The following FTCDNL1 variants were observed in gnomAD, a reference collection of about 807,000 sequenced individuals.
FTCDNL1 encodes the protein formiminotransferase cyclodeaminase N-terminal like.
FTCDNL1 carries 11 observed loss-of-function variants against 5.9 expected under a neutral mutation model. That is an observed-to-expected ratio of 1.87 (90% CI 1.18 to 3.10). The LOEUF is 3.10. Among genes scored for constraint, FTCDNL1 ranks in the 30% most tolerant of loss-of-function variants. FTCDNL1 has a pLI of 0.00. For synonymous variants in FTCDNL1, 58 were observed against 24.8 expected (o/e 2.34, Z -3.99); for missense variants, 115 against 65.5 (o/e 1.76, Z -2.61).
At chr2:199,748,533 C>T in the FTCDNL1 span, among the ~76,000 whole-genome samples, 1 of 152,182 alleles carries the variant, frequency 6.6e-6, no homozygotes, top group East Asian at 1.9e-4. Context: ...AGACAGGTCG[C>T]TTTCTAAATG....
the FTCDNL1 span, among the ~76,000 whole-genome samples, chr2:199,717,934 C>A: frequency 1.4e-5 from 2 of 144,536 alleles, no homozygotes; most frequent in Admixed American, 7.1e-5. Flanking sequence ...ATAACAAAGG[C>A]AGGAGCAATG....
At chr2:199,817,524 C>T (rs541847796) in intron 4 of FTCDNL1, among the ~76,000 whole-genome samples, 49 of 152,138 alleles carry the variant, frequency 3.2e-4, no homozygotes, top group African/African-American at 8.7e-4. Flanking sequence ...CGGGGGGTCA[C>T]GCCTATAATC....
At chr2:199,842,531 A>T (rs747057732) in intron 3 of FTCDNL1, among the ~76,000 whole-genome samples, 13 of 152,210 alleles carry the variant, frequency 8.5e-5, no homozygotes, top group Non-Finnish European at 1.8e-4. Context: ...TATATACACA[A>T]TGCACATGCG....
At chr2:199,759,100 T>G (rs1698170753), downstream of FTCDNL1, among the ~76,000 whole-genome samples, 1 of 152,124 alleles carries the variant, frequency 6.6e-6, no homozygotes, top group African/African-American at 2.4e-5. Flanking sequence ...TGTATGTGTG[T>G]GTAATATATA....
At chr2:199,670,899 C>T in the FTCDNL1 span, among the ~76,000 whole-genome samples, 3 of 152,114 alleles carry the variant, frequency 2.0e-5, no homozygotes, top group African/African-American at 4.8e-5. Flanking sequence ...TTCTATAAGG[C>T]TCACATGACA....
chr2:199,700,012 C>A, the FTCDNL1 span, among the ~76,000 whole-genome samples: 1 of 150,154 alleles, frequency 6.7e-6, no homozygotes, highest in Non-Finnish European at 1.5e-5. Context: ...CCCTCTCTCA[C>A]CACTCCTATT....
intron 1 of FTCDNL1, 33 bp from the exon 2 acceptor site, chr2:199,849,002 A>C (rs369211175): frequency 1.5e-6 from 1 of 685,226 alleles, no homozygotes. Context: ...ATGTGTCTCT[A>C]GAGTTGATTC....
At chr2:199,850,306 T>C (rs2076841644) in intron 1 of FTCDNL1, among the ~76,000 whole-genome samples, 1 of 152,248 alleles carries the variant, frequency 6.6e-6, no homozygotes, top group Non-Finnish European at 1.5e-5. Flanking sequence ...GGGCGTCTTC[T>C]GGTTTTCATT....
intron 2 of FTCDNL1, among the ~76,000 whole-genome samples, chr2:199,847,522 C>G (rs939151197): frequency 1.3e-5 from 2 of 152,194 alleles, no homozygotes; most frequent in African/African-American, 4.8e-5. Context: ...ATAAAACACT[C>G]TCCTGCAATT....
At chr2:199,808,666 A>C (rs1188873281), downstream of FTCDNL1, among the ~76,000 whole-genome samples, 3 of 152,222 alleles carry the variant, frequency 2.0e-5, no homozygotes, top group Non-Finnish European at 2.9e-5. Flanking sequence ...CCTACAACCC[A>C]ATATGAATCA....
chr2:199,845,449 T>C (rs973009096), intron 3 of FTCDNL1, among the ~76,000 whole-genome samples: 2 of 152,016 alleles, frequency 1.3e-5, no homozygotes, highest in Non-Finnish European at 2.9e-5. Flanking sequence ...TGTGTGCCTG[T>C]AATTCCAGCT....
intron 3 of FTCDNL1, among the ~76,000 whole-genome samples, chr2:199,824,134 G>A (rs1231478970): frequency 6.6e-6 from 1 of 152,156 alleles, no homozygotes; most frequent in Non-Finnish European, 1.5e-5. Context: ...CTTGCTCTTA[G>A]CTAGAGATGC....
At chr2:199,705,213 T>A in the FTCDNL1 span, among the ~76,000 whole-genome samples, 1 of 152,170 alleles carries the variant, frequency 6.6e-6, no homozygotes, top group Non-Finnish European at 1.5e-5. Context: ...AAGTAAGGAA[T>A]ATATCCTACA....
At chr2:199,776,839 C>T (rs2106310604) in intron 3 of FTCDNL1, among the ~76,000 whole-genome samples, 1 of 151,672 alleles carries the variant, frequency 6.6e-6, no homozygotes, top group African/African-American at 2.4e-5. Context: ...TATATATTCC[C>T]TATATATACA....
chr2:199,787,245 C>A (rs768029345), intron 3 of FTCDNL1, among the ~76,000 whole-genome samples: 6 of 151,764 alleles, frequency 4.0e-5, no homozygotes, highest in Non-Finnish European at 8.8e-5. Flanking sequence ...GCAAGTGGCA[C>A]GATCTTGGCT....
chr2:199,766,691 T>C (rs1698551830), intron 3 of FTCDNL1, among the ~76,000 whole-genome samples: 2 of 152,232 alleles, frequency 1.3e-5, no homozygotes, highest in Admixed American at 6.5e-5. Context: ...TTTTGGTTTA[T>C]GTGGCCTTGA....
chr2:199,842,897 C>T lies in FTCDNL1; in HGVS notation c.211+3178G>A, dbSNP rs935121256. ...CTAAGAACAGCGGGATCCTAGAATG[C>T]GAATACTTCTGCCTCATAAGAATGC... On this transcript the variant is annotated intron_variant, in intron 3 of 4. Coordinates refer to ENST00000420128, the MANE Select transcript of FTCDNL1 (RefSeq NM_001363886.2). Among the ~76,000 whole-genome samples, 5 of 145,110 alleles carry T rather than the reference C, an allele frequency of 3.4e-5. No individual in the cohort carries two copies. In the Admixed American group the frequency reaches 3.6e-4, roughly 10 times the overall value.
chr2:199,785,249 C>CTTTTTTTTTTT (rs61047289), intron 3 of FTCDNL1, among the ~76,000 whole-genome samples: 1,006 of 76,774 alleles, frequency 0.013, 138 homozygotes, highest in African/African-American at 0.022. Flanking sequence ...TTCCAAATTC[C>CTTTTTTTTTTT]TTTTTTTTTT....
At chr2:199,822,273 A>G (rs1316484896) in intron 3 of FTCDNL1, among the ~76,000 whole-genome samples, 3 of 152,102 alleles carry the variant, frequency 2.0e-5, no homozygotes, top group African/African-American at 7.2e-5. Flanking sequence ...GTGTGGTGGC[A>G]TATGCCTGTA....
Sources: gnomAD v4.1 joint callset for allele counts (sites outside exome capture counted in the v4.1 genomes callset) on GRCh38, gnomAD v4.1.1 for gene constraint, MANE v1.5 for transcripts, NCBI Gene and HGNC (gene_info 2026-07-23, HGNC 2026-07-21) for gene names.